HTR2C: variants seen among roughly 807,000 people sequenced by gnomAD.
HTR2C encodes 5-hydroxytryptamine (serotonin) receptor 2C, G protein-coupled.
HTR2C carries 5 observed loss-of-function variants against 21.0 expected under a neutral mutation model. That is an observed-to-expected ratio of 0.24 (90% CI 0.12 to 0.50). The LOEUF is 0.50. HTR2C is among the 20% of genes least tolerant of loss of function. The pLI is 0.98. For synonymous variants in HTR2C, 150 were observed against 145.3 expected, an observed-to-expected ratio of 1.03 and a Z score of -0.23; for missense variants, 271 against 371.2, an observed-to-expected ratio of 0.73 and a Z score of 2.22.
At chrX:114,711,082 A>G (rs1174833645) in intron 2 of HTR2C, among the ~76,000 whole-genome samples, 3 of 112,105 alleles carry the variant, frequency 2.7e-5, no homozygotes, top group Non-Finnish European at 3.8e-5. Context: ...GATTGGCTAG[A>G]TTATCTATGG....
At chrX:114,637,483 A>G (rs1556405447) in intron 2 of HTR2C, among the ~76,000 whole-genome samples, 2 of 112,054 alleles carry the variant, frequency 1.8e-5, no homozygotes, top group African/African-American at 3.2e-5. Flanking sequence ...TCTCTGACTA[A>G]GTGTATGTGT....
intron 4 of HTR2C, among the ~76,000 whole-genome samples, chrX:114,805,779 G>A (rs781783504): frequency 1.9e-3 from 59 of 31,511 alleles, no homozygotes; most frequent in African/African-American, 5.1e-3. Flanking sequence ...TCTATACCAT[G>A]TATATACACC....
chrX:114,791,116 A>G (rs935467046), intron 4 of HTR2C, among the ~76,000 whole-genome samples: 1 of 112,978 alleles, frequency 8.9e-6, no homozygotes. Flanking sequence ...GACCATGCCA[A>G]TTAATAGCGC....
intron 2 of HTR2C, among the ~76,000 whole-genome samples, chrX:114,623,222 C>A (rs1434672226): frequency 8.9e-6 from 1 of 111,987 alleles, no homozygotes. Flanking sequence ...GGGGCTTAAG[C>A]GAGTTATCCA....
At chrX:114,605,017 G>C (rs146947019) in intron 1 of HTR2C, among the ~76,000 whole-genome samples, 2,071 of 111,681 alleles carry the variant, frequency 0.019, 10 homozygotes, top group Non-Finnish European at 0.03. Flanking sequence ...TGTACTTTGA[G>C]AATAAGATGG....
At chrX:114,633,767 C>T (rs1334654644) in intron 2 of HTR2C, among the ~76,000 whole-genome samples, 3 of 109,221 alleles carry the variant, frequency 2.7e-5, no homozygotes, top group African/African-American at 1.0e-4. Context: ...AGGCATCATT[C>T]TCTCTCTCTA....
intron 5 of HTR2C, among the ~76,000 whole-genome samples, chrX:114,871,367 A>G (rs1241911365): frequency 1.8e-5 from 2 of 112,020 alleles, no homozygotes; most frequent in Non-Finnish European, 1.9e-5. Context: ...AGAATGAGCT[A>G]TGTGCTGAGG....
At chrX:114,778,478 C>T (rs1193312837) in intron 4 of HTR2C, among the ~76,000 whole-genome samples, 1 of 110,019 alleles carries the variant, frequency 9.1e-6, no homozygotes, top group Non-Finnish European at 1.9e-5. Context: ...TTCTGAGAAT[C>T]TGTCCTAGTT....
intron 2 of HTR2C, among the ~76,000 whole-genome samples, chrX:114,665,280 G>C (rs1438129860): frequency 8.9e-6 from 1 of 111,919 alleles, no homozygotes; most frequent in East Asian, 2.8e-4. Flanking sequence ...TGCTTCCTTA[G>C]AGTTTCAATT....
intron 4 of HTR2C, among the ~76,000 whole-genome samples, chrX:114,772,028 C>T (rs1556437018): frequency 8.9e-6 from 1 of 112,127 alleles, no homozygotes; most frequent in Non-Finnish European, 1.9e-5. Context: ...AAAGTAGCCC[C>T]AAGTGAAAAC....
intron 1 of HTR2C, among the ~76,000 whole-genome samples, chrX:114,604,792 G>A (rs1476242078): frequency 1.3e-4 from 14 of 111,384 alleles, no homozygotes; most frequent in Non-Finnish European, 2.6e-4. Flanking sequence ...AGGTTCTGGA[G>A]GAATGCCTGG....
At chrX:114,752,568 C>T (rs1209969294) in intron 4 of HTR2C, among the ~76,000 whole-genome samples, 1 of 111,271 alleles carries the variant, frequency 9.0e-6, no homozygotes, top group African/African-American at 3.3e-5. Context: ...GAGTAGCTGA[C>T]ATAGCTCTGT....
chrX:114,829,458 C>A (rs980394174), intron 4 of HTR2C, among the ~76,000 whole-genome samples: 2 of 108,172 alleles, frequency 1.8e-5, no homozygotes, highest in African/African-American at 6.7e-5. Flanking sequence ...TGATAGCACT[C>A]TGATGCAGAA....
chrX:114,822,360 C>T (rs1361451206), intron 4 of HTR2C, among the ~76,000 whole-genome samples: 5 of 111,397 alleles, frequency 4.5e-5, no homozygotes, highest in Non-Finnish European at 5.7e-5. Context: ...ATTCTCTTAC[C>T]TACTCATTTC....
chrX:114,599,894 A>G (rs1928014636), intron 1 of HTR2C, among the ~76,000 whole-genome samples: 1 of 111,896 alleles, frequency 8.9e-6, no homozygotes, highest in Admixed American at 9.5e-5. Flanking sequence ...TATTTACTCA[A>G]ACTTATGTCA....
At chrX:114,763,972 G>A (rs2147381852) in intron 4 of HTR2C, among the ~76,000 whole-genome samples, 1 of 111,614 alleles carries the variant, frequency 9.0e-6, no homozygotes, top group African/African-American at 3.3e-5. Flanking sequence ...AAAGAATAAT[G>A]GTATCAGTAT....
At chrX:114,642,488 C>T (rs1249547938) in intron 2 of HTR2C, among the ~76,000 whole-genome samples, 2 of 111,916 alleles carry the variant, frequency 1.8e-5, no homozygotes, top group Admixed American at 9.5e-5. Flanking sequence ...TTAATTAATA[C>T]TATGTGATAC....
intron 2 of HTR2C, among the ~76,000 whole-genome samples, chrX:114,707,062 A>G: frequency 8.9e-6 from 1 of 111,976 alleles, no homozygotes; most frequent in East Asian, 2.8e-4. Flanking sequence ...TATAAAGAGC[A>G]ATTATAATCT....
chrX:114,794,631 G>A (rs1205879195), intron 4 of HTR2C, among the ~76,000 whole-genome samples: 1 of 102,822 alleles, frequency 9.7e-6, no homozygotes, highest in African/African-American at 3.6e-5. Context: ...GCAGTGTTTG[G>A]TTTTCTGTCC....
Sources: gnomAD v4.1 joint callset for allele counts (sites outside exome capture counted in the v4.1 genomes callset) on GRCh38, gnomAD v4.1.1 for gene constraint, MANE v1.5 for transcripts, NCBI Gene and HGNC (gene_info 2026-07-23, HGNC 2026-07-21) for gene names.